PAPPA: variants seen among roughly 807,000 people sequenced by gnomAD.
The protein encoded by PAPPA is pappalysin 1.
Under a neutral mutation model 164.0 loss-of-function variants are expected in PAPPA, and 60 were observed. The ratio of observed to expected loss-of-function variants is 0.37; its 90% CI spans 0.30 to 0.45. The LOEUF is 0.45. Among genes scored for constraint, PAPPA ranks in the 20% least tolerant of loss-of-function variants. The pLI is 1.00. For missense variants in PAPPA, 1,782 were observed against 2,087.3 expected, an observed-to-expected ratio of 0.85 and a Z score of 2.85; for synonymous variants, 875 against 814.1, an observed-to-expected ratio of 1.07 and a Z score of -1.27.
intron 10 of PAPPA, among the ~76,000 whole-genome samples, chr9:116,323,351 G>A (rs750131731): frequency 4.6e-5 from 7 of 152,080 alleles, no homozygotes; most frequent in South Asian, 2.1e-4. Flanking sequence ...ATCCTGGCCC[G>A]TCACAGAGGA....
chr9:116,393,654 T>C (rs186122277), intron 21 of PAPPA, among the ~76,000 whole-genome samples: 243 of 152,252 alleles, frequency 1.6e-3, no homozygotes, highest in African/African-American at 4.3e-3. Flanking sequence ...ACCACAATTA[T>C]TTTTGCACCA....
intron 6 of PAPPA, among the ~76,000 whole-genome samples, chr9:116,228,083 C>T (rs1844537647): frequency 6.6e-6 from 1 of 152,176 alleles, no homozygotes; most frequent in South Asian, 2.1e-4. Flanking sequence ...TTATGATTGC[C>T]ACTATTATGG....
chr9:116,356,029 T>C (rs376848647), intron 17 of PAPPA, among the ~76,000 whole-genome samples: 10 of 152,210 alleles, frequency 6.6e-5, no homozygotes, highest in African/African-American at 2.4e-4. Flanking sequence ...TCAGCTTGTA[T>C]GGAGCAGGGA....
chr9:116,193,609 A>G (rs1844069949), intron 2 of PAPPA, among the ~76,000 whole-genome samples: 1 of 152,142 alleles, frequency 6.6e-6, no homozygotes. Flanking sequence ...ACTACACCCT[A>G]TAGACACCTT....
chr9:116,244,632 G>A (rs984876032), intron 7 of PAPPA, among the ~76,000 whole-genome samples: 8 of 152,082 alleles, frequency 5.3e-5, no homozygotes, highest in Non-Finnish European at 1.0e-4. Context: ...GAGATAAGAA[G>A]GAGCCAGACT....
At chr9:116,235,097 G>A (rs1844643628) in intron 6 of PAPPA, 42 bp from the exon 7 acceptor site, 1 of 1,611,618 alleles carries the variant, frequency 6.2e-7, no homozygotes, top group Non-Finnish European at 8.5e-7. Context: ...TGGGAATAAA[G>A]CTCTTTCCCC....
chr9:116,162,968 C>T (rs1843684832), intron 1 of PAPPA, among the ~76,000 whole-genome samples: 1 of 151,528 alleles, frequency 6.6e-6, no homozygotes, highest in East Asian at 1.9e-4. Flanking sequence ...AAAAATAGTG[C>T]ATGCTCATTG....
At chr9:116,223,596 T>C (rs1844470481) in intron 5 of PAPPA, among the ~76,000 whole-genome samples, 1 of 152,212 alleles carries the variant, frequency 6.6e-6, no homozygotes, top group East Asian at 1.9e-4. Context: ...AAAACTGACA[T>C]TTCCAAAACA....
At chr9:116,243,434 G>A (rs1404423130) in intron 7 of PAPPA, among the ~76,000 whole-genome samples, 2 of 152,116 alleles carry the variant, frequency 1.3e-5, no homozygotes, top group African/African-American at 4.8e-5. Flanking sequence ...TCTACCAATG[G>A]TGTTTAGGTA....
chr9:116,312,332 A>C, intron 10 of PAPPA, among the ~76,000 whole-genome samples: 1 of 136,126 alleles, frequency 7.3e-6, no homozygotes, highest in African/African-American at 2.8e-5. Flanking sequence ...AAGTGGGGTC[A>C]CCAGCATTCA....
At chr9:116,160,620 G>A (rs1279692575) in intron 1 of PAPPA, among the ~76,000 whole-genome samples, 1 of 152,168 alleles carries the variant, frequency 6.6e-6, no homozygotes, top group Non-Finnish European at 1.5e-5. Context: ...CTCCCTCTAT[G>A]GGCAACTTGT....
chr9:116,227,495 G>A lies in PAPPA; in HGVS notation c.2176G>A (p.Ala726Thr), dbSNP rs771450068. 1.5e-5 allele frequency: 24 copies of A among 1,614,028 alleles called. No homozygotes were observed. Among genetic ancestry groups the A allele is most frequent in the Non-Finnish European group, 1.8e-5 (21 of 1,179,958 alleles). ...AATCCTGGTGCAGTATGCTTCCAACGCTTCCTCCCCAATGCCCTGCAGCCC... is the reference window on the plus strand; with the variant it reads ...AATCCTGGTGCAGTATGCTTCCAACACTTCCTCCCCAATGCCCTGCAGCCC... ...GRILVQYASN[A>T]SSPMPCSPSG... is the part of the protein sequence containing the mutation. The change falls in exon 6 of 22, where the codon GCT (alanine) becomes ACT (threonine). Residue 726 changes from alanine to threonine, a missense_variant. Physicochemically the swap from Ala to Thr is moderately conservative, Grantham distance 58 (BLOSUM62 0). Around this residue, in one of 2 missense-constraint regions of PAPPA, gnomAD observed 1,324 missense variants for 1,656.9 expected, o/e 0.80. Coordinates refer to ENST00000328252, the MANE Select transcript of PAPPA (RefSeq NM_002581.5).
intron 20 of PAPPA, 116 bp from the exon 21 acceptor site, chr9:116,382,279 C>G (rs553532217): frequency 2.8e-6 from 2 of 704,182 alleles, no homozygotes; most frequent in African/African-American, 1.7e-5. Context: ...GCCTGGCCAG[C>G]TAATCGTGGA....
intron 8 of PAPPA, among the ~76,000 whole-genome samples, chr9:116,270,934 T>G (rs1336207451): frequency 6.6e-6 from 1 of 152,194 alleles, no homozygotes; most frequent in Non-Finnish European, 1.5e-5. Context: ...CTCTACATTT[T>G]CCTTCAAATA....
At chr9:116,319,600 A>T (rs940060336) in intron 10 of PAPPA, among the ~76,000 whole-genome samples, 10 of 152,162 alleles carry the variant, frequency 6.6e-5, no homozygotes, top group Non-Finnish European at 1.5e-4. Context: ...AGGTGGAAGC[A>T]TTTGGATATT....
intron 19 of PAPPA, among the ~76,000 whole-genome samples, chr9:116,376,874 C>G (rs1278278518): frequency 6.6e-6 from 1 of 152,088 alleles, no homozygotes; most frequent in Non-Finnish European, 1.5e-5. Context: ...CAGCAGGTGA[C>G]AGCAGAGGGG....
Position 116,154,569 on chromosome 9 carries a change from T to C in PAPPA, c.397T>C (p.Ser133Pro). Reference sequence around the variant, plus strand: ...GCTGCGAGCGGAGGGGGGCCAGAGGTCTCCGGCAGTGATCACAGGTAGGTG... The same window carrying C: ...GCTGCGAGCGGAGGGGGGCCAGAGGCCTCCGGCAGTGATCACAGGTAGGTG... ...VWLRAEGGQR[S>P]PAVITGLYDK... The change falls in exon 1 of 22, where the codon TCT becomes CCT. Residue 133 changes from serine (S) to proline (P), a missense_variant. By Grantham distance (74) the Ser-to-Pro change is moderately conservative. This residue lies in a region of PAPPA where 458 missense variants were observed against 430.3 expected (regional missense o/e 1.06). Coordinates refer to ENST00000328252, the MANE Select transcript of PAPPA (RefSeq NM_002581.5). The surrounding 1 kb of genome is among the most constrained non-coding windows in gnomAD (Gnocchi z 5.2). 7.2e-7 allele frequency: 1 copy of C among 1,390,902 alleles called. No individual in the cohort carries two copies. The highest frequency in any genetic ancestry group is 9.3e-7 in the Non-Finnish European group (1 of 1,070,788). The allele number at this position is 1,390,902 out of a possible 1,614,324, so 86.2% of individuals were successfully genotyped here.
chr9:116,239,282 C>T lies in PAPPA; in HGVS notation c.2732+3645C>T, dbSNP rs79742922. ...CTCCCTTAAGTGGAAACCCCTCTAT[C>T]GAATGAGAAATGACACTATCAGAAG... On this transcript the variant is annotated intron_variant, in intron 7 of 21. Coordinates refer to ENST00000328252, the MANE Select transcript of PAPPA (RefSeq NM_002581.5). 7.1e-3 allele frequency among the ~76,000 whole-genome samples: 1,084 copies of T among 152,162 alleles called. 16 individuals are homozygous for T. Among genetic ancestry groups the T allele is most frequent in the African/African-American group, 0.025 (1,040 of 41,520 alleles).
At chr9:116,174,476 C>T (rs1386649719) in intron 1 of PAPPA, among the ~76,000 whole-genome samples, 1 of 152,044 alleles carries the variant, frequency 6.6e-6, no homozygotes, top group African/African-American at 2.4e-5. Context: ...TTGACTTGCC[C>T]ATGTGGGAAT....
Sources: allele counts gnomAD v4.1 joint callset (sites outside exome capture counted in the v4.1 genomes callset), GRCh38; gene constraint gnomAD v4.1.1; regional missense constraint gnomAD v4.1.1; non-coding constraint Gnocchi (gnomAD v3.1); transcripts MANE v1.5; gene names NCBI Gene and HGNC (gene_info 2026-07-23, HGNC 2026-07-21).